The following CTDSP1 variants were observed in gnomAD, a reference collection of about 807,000 sequenced individuals.
The protein encoded by CTDSP1 is CTD small phosphatase 1.
CTDSP1 carries 15 observed loss-of-function variants against 32.5 expected under a neutral mutation model. That is an observed-to-expected ratio of 0.46 (90% confidence interval 0.31 to 0.71). CTDSP1 has a LOEUF of 0.71. Among genes scored for constraint, CTDSP1 ranks in the 30% least tolerant of loss-of-function variants. The pLI is 0.05. For missense variants in CTDSP1, 294 were observed against 351.1 expected, an observed-to-expected ratio of 0.84 and a Z score of 1.30; for synonymous variants, 185 against 145.4, an observed-to-expected ratio of 1.27 and a Z score of -1.96.
In CTDSP1 at chr2:218,399,994, C is replaced by A; in HGVS notation, c.-97C>A. The A allele has an allele frequency of 2.4e-6, 3 of 1,234,750 alleles. No individual in the cohort carries two copies. The highest frequency in any genetic ancestry group is 3.1e-6 in the Non-Finnish European group (3 of 965,978). The allele number at this position is 1,234,750 out of a possible 1,614,324, so 76.5% of individuals were successfully genotyped here. ...GCTCGCGGGGATCCCTCCCTCCCAC[C>A]CCTCCCCTCCCCCCCGCGCCCCGAT... On this transcript the variant is annotated 5_prime_UTR_variant, in exon 1 of 7. Transcript: ENST00000273062.
In CTDSP1 at chr2:218,405,256, T is replaced by C. The variant is rs1273940414; in HGVS notation, c.*831T>C. 6.5e-6 allele frequency: 1 copy of C among 152,828 alleles called. No homozygotes were observed. Among genetic ancestry groups the C allele is most frequent in the Admixed American group, 6.5e-5 (1 of 15,280 alleles). 9.5% of individuals were successfully genotyped at this position (152,828 alleles called of 1,614,324 possible). ...GTAGAGACACCCCTCCCTTGCCCCTTTCCTGGGCCCAGAAGTTGGGGGGAG... is the reference window on the plus strand; with the variant it reads ...GTAGAGACACCCCTCCCTTGCCCCTCTCCTGGGCCCAGAAGTTGGGGGGAG... On this transcript the variant is annotated 3_prime_UTR_variant, in exon 7 of 7. Transcript: ENST00000273062.
rs372797160 is a variant in CTDSP1, at chr2:218,402,330, A to G, written c.322-19A>G. ...CTGGGGCTCCTCCTCCAACTCCAGCAGCTCTTTTCCCCCCACAGCCAGTGA... is the reference window on the plus strand; with the variant it reads ...CTGGGGCTCCTCCTCCAACTCCAGCGGCTCTTTTCCCCCCACAGCCAGTGA... On this transcript the variant is annotated intron_variant, in intron 3 of 6. Transcript: ENST00000273062. 3.1e-6 allele frequency: 5 copies of G among 1,613,806 alleles called. No homozygotes were observed. The highest frequency in any genetic ancestry group is 1.3e-5 in the African/African-American group (1 of 74,894).
At position 218,404,502 on chromosome 2, in the gene CTDSP1, G is replaced by GT. The variant is rs1697314021; in HGVS notation, c.*79dup. On this transcript the variant is annotated 3_prime_UTR_variant, in exon 7 of 7. Transcript: ENST00000273062. Reference sequence around the variant, plus strand: ...TCCCAGGAAGACTGCCCAGGCCTTTGTTAGGAAAACCCATGGGCCGCCGCC... The same window carrying GT: ...TCCCAGGAAGACTGCCCAGGCCTTTGTTTAGGAAAACCCATGGGCCGCCGCC... 28 of 1,571,264 alleles carry GT rather than the reference G, an allele frequency of 1.8e-5. No individual in the cohort carries two copies. Among genetic ancestry groups the GT allele is most frequent in the Non-Finnish European group, 2.4e-5 (28 of 1,154,824 alleles).
rs751623474 is a variant in CTDSP1 at position 218,403,262 on chromosome 2, A to G, written c.502A>G (p.Lys168Glu). 1.0e-4 allele frequency: 163 copies of G among 1,613,492 alleles called. No individual in the cohort carries two copies. The highest frequency in any genetic ancestry group is 1.3e-4 in the Non-Finnish European group (159 of 1,179,706). Residue 168 changes from lysine (K) to glutamate (E), a missense_variant, in exon 6 of 7, where the codon AAA becomes GAA. Around this residue, in one of 2 missense-constraint regions of CTDSP1, gnomAD observed 146 missense variants for 237.7 expected, o/e 0.61. Coordinates refer to ENST00000273062, the MANE Select transcript of CTDSP1 (RefSeq NM_021198.3). ...AGACCCAGTAGCTGACCTGCTGGAC[A>G]AATGGGGGGCCTTCCGGGCCCGGCT... ...YADPVADLLD[K>E]WGAFRARLFR...
intron 1 of CTDSP1, chr2:218,400,838 G>C (rs755908149): frequency 1.7e-4 from 77 of 455,418 alleles, no homozygotes; most frequent in African/African-American, 9.6e-4. Flanking sequence ...GGGCCGGGGT[G>C]GGGGGGTCTG....
chr2:218,400,046 G>T lies in CTDSP1; in HGVS notation c.-45G>T. On this transcript the variant is annotated 5_prime_UTR_variant, in exon 1 of 7. Transcript: ENST00000273062. ...CCGGCCCCAGCCGGGGGGGAGGCCG[G>T]GCGCCCGGGCCAGAGTCCGGCCGGA... The T allele has an allele frequency of 7.4e-7, 1 of 1,352,022 alleles. No individual in the cohort carries two copies. Among genetic ancestry groups the T allele is most frequent in the Non-Finnish European group, 9.5e-7 (1 of 1,047,862 alleles). The allele number at this position is 1,352,022 out of a possible 1,614,324, so 83.8% of individuals were successfully genotyped here.
In CTDSP1 at chr2:218,401,536, G is replaced by A. The variant is rs1428561562; in HGVS notation, c.68-28G>A. The A allele has an allele frequency of 7.4e-6, 12 of 1,612,636 alleles. No individual in the cohort carries two copies. The East Asian group carries it at 1.8e-4, about 24-fold the overall frequency. On this transcript the variant is annotated intron_variant, in intron 1 of 6. Coordinates refer to ENST00000273062, the MANE Select transcript of CTDSP1 (RefSeq NM_021198.3). ...GATTCTGCAGGCCAGTGTGCACCGAGCCTCCAACTTGTGCCTCCCTACTTC... is the reference window on the plus strand; with the variant it reads ...GATTCTGCAGGCCAGTGTGCACCGAACCTCCAACTTGTGCCTCCCTACTTC...
intron 6 of CTDSP1, 97 bp downstream of exon 6, chr2:218,403,514 G>C: frequency 1.7e-6 from 2 of 1,177,842 alleles, no homozygotes; most frequent in Non-Finnish European, 2.4e-6. Flanking sequence ...CCCAGTTGGG[G>C]GGTGGGTGCC....
Position 218,402,364 on chromosome 2 carries a change from G to A in CTDSP1, c.337G>A (p.Asp113Asn), listed in dbSNP as rs1697189693. 1 of 1,613,606 alleles carries A rather than the reference G, an allele frequency of 6.2e-7. No homozygotes were observed. Among genetic ancestry groups the A allele is most frequent in the Non-Finnish European group, 8.5e-7 (1 of 1,179,838 alleles). Residue 113 changes from aspartate (D) to asparagine (N), a missense_variant, in exon 4 of 7, where the codon GAC becomes AAC. Coordinates refer to ENST00000273062, the MANE Select transcript of CTDSP1 (RefSeq NM_021198.3). Reference sequence around the variant, plus strand: ...CCCCCCACAGCCAGTGAACAACGCGGACTTCATCATCCCTGTGGAGATTGA... The same window carrying A: ...CCCCCCACAGCCAGTGAACAACGCGAACTTCATCATCCCTGTGGAGATTGA... The part of the protein sequence containing the change: ...HSSFKPVNNA[D>N]FIIPVEIDGV...
rs758353883 is a variant in CTDSP1, at chr2:218,401,678, C to T, written c.182C>T (p.Pro61Leu). The change falls in exon 2 of 7, where the codon CCC becomes CTC. Residue 61 changes from proline to leucine, a missense_variant. Around this residue, in one of 2 missense-constraint regions of CTDSP1, gnomAD observed 148 missense variants for 113.3 expected, o/e 1.31. Coordinates refer to ENST00000273062, the MANE Select transcript of CTDSP1 (RefSeq NM_021198.3). ...GCCCTGCCTGCTCACAGCGGGGCGC[C>T]CCTGCTTGTGGAGGAGAATGGCGCC... Reference protein sequence around the residue: ...GEALPAHSGAPLLVEENGAIP... With the variant: ...GEALPAHSGALLLVEENGAIP... The T allele has an allele frequency of 6.2e-7, 1 of 1,602,292 alleles. No homozygotes were observed. The highest frequency in any genetic ancestry group is 8.5e-7 in the Non-Finnish European group (1 of 1,174,204).
chr2:218,399,808 A>G (rs991106384), upstream of CTDSP1: 1 of 1,139,264 alleles, frequency 8.8e-7, no homozygotes, highest in Admixed American at 4.9e-5. Flanking sequence ...AGTCCAGGTC[A>G]CGCCGAAGCC....
chr2:218,400,272 C>A, intron 1 of CTDSP1, 115 bp downstream of exon 1: 1 of 904,410 alleles, frequency 1.1e-6, no homozygotes. Flanking sequence ...CTTAGCTGTG[C>A]CCGAAGCTCC....
intron 1 of CTDSP1, chr2:218,400,842 G>T (rs1230152492): frequency 2.2e-6 from 1 of 455,854 alleles, no homozygotes. Flanking sequence ...CGGGGTGGGG[G>T]GGTCTGTCTT....
intron 6 of CTDSP1, chr2:218,403,734 T>C (rs1359908911): frequency 6.8e-6 from 2 of 294,728 alleles, no homozygotes; most frequent in South Asian, 1.9e-4. Flanking sequence ...TTTAGTGGGT[T>C]CTGATTGGGA....
In CTDSP1 at chr2:218,400,128, A is replaced by T; in HGVS notation, c.38A>T (p.Glu13Val). 1 of 1,545,476 alleles carries T rather than the reference A, an allele frequency of 6.5e-7. No homozygotes were observed. Among genetic ancestry groups the T allele is most frequent in the Non-Finnish European group, 8.7e-7 (1 of 1,145,270 alleles). The change falls in exon 1 of 7, where the codon GAG becomes GTG. Residue 13 changes from glutamate to valine, a missense_variant. Coordinates refer to ENST00000273062, the MANE Select transcript of CTDSP1 (RefSeq NM_021198.3). ...GCCGTCATTACTCAGATCAGCAAGG[A>T]GGAGGCTCGGGGCCCGCTGCGGGGC... Reference protein sequence around the residue: ...SSAVITQISKEEARGPLRGKG... With the variant: ...SSAVITQISKVEARGPLRGKG...
At chr2:218,400,468 G>A (rs1410691056) in intron 1 of CTDSP1, 2 of 462,034 alleles carry the variant, frequency 4.3e-6, no homozygotes, top group East Asian at 4.4e-5. Flanking sequence ...CCCCACCATT[G>A]GCGCCAATGG....
Position 218,401,700 on chromosome 2 carries a change from C to T in CTDSP1, c.204C>T (p.Gly68=), listed in dbSNP as rs2227251. 7 of 1,587,768 alleles carry T rather than the reference C, an allele frequency of 4.4e-6. No homozygotes were observed. The African/African-American group carries it at 5.4e-5, about 12-fold the overall frequency. ...SGAPLLVEEN[G]AIPKQTPVQY... ...CGCCCCTGCTTGTGGAGGAGAATGG[C>T]GCCATCCCTAAGGTGCGTGGGGGCC... The change falls in exon 2 of 7, where the codon GGC becomes GGT. Residue 68 remains glycine, a synonymous_variant. Transcript: ENST00000273062.
At chr2:218,402,518 G>T in intron 4 of CTDSP1, 113 bp downstream of exon 4, 1 of 1,087,286 alleles carries the variant, frequency 9.2e-7, no homozygotes, top group East Asian at 2.4e-5. Flanking sequence ...GAATGTCAGA[G>T]GCCCAGAGAG....
chr2:218,401,774 A>C, intron 2 of CTDSP1, 62 bp downstream of exon 2: 1 of 1,442,084 alleles, frequency 6.9e-7, no homozygotes, highest in Non-Finnish European at 9.2e-7. Flanking sequence ...GCTTTAGGGG[A>C]AGGGGCTCCT....
Sources: allele counts gnomAD v4.1 joint callset, GRCh38; gene constraint gnomAD v4.1.1; regional missense constraint gnomAD v4.1.1; transcripts MANE v1.5; gene names NCBI Gene and HGNC (gene_info 2026-07-23, HGNC 2026-07-21).